The following ATR variants were observed in gnomAD, a reference collection of about 807,000 sequenced individuals.
ATR encodes the protein ATR checkpoint kinase.
A neutral mutation model predicts 305.3 loss-of-function variants in ATR; 142 were observed. The observed-to-expected ratio is 0.47, with a 90% CI of 0.41 to 0.53. The LOEUF is 0.53. Ranked by LOEUF, ATR falls within the 20% of genes least tolerant of loss-of-function variation. The probability of loss-of-function intolerance (pLI) is 0.00; values close to 1 mark genes in which losing one functional copy is unlikely to be tolerated. For synonymous variants in ATR, 1,050 were observed against 1,068.1 expected, an observed-to-expected ratio of 0.98 and a Z score of 0.33; for missense variants, 2,135 against 3,133.1, an observed-to-expected ratio of 0.68 and a Z score of 7.60.
At position 142,578,637 on chromosome 3, in the gene ATR, T is replaced by C. The variant is rs1309766255; in HGVS notation, c.59+9A>G. 6.2e-7 allele frequency: 1 copy of C among 1,611,292 alleles called. No homozygotes were observed. Among genetic ancestry groups the C allele is most frequent in the Non-Finnish European group, 8.5e-7 (1 of 1,178,990 alleles). ...GAGGATGCAGGACCCAGGCTGGGCC[T>C]AGCCCTACCTGCCCAGCTCCCGCAG... On this transcript the variant is annotated intron_variant, in intron 1 of 46. Coordinates refer to ENST00000350721, the MANE Select transcript of ATR (RefSeq NM_001184.4).
chr3:142,500,160 C>A, intron 30 of ATR: 1 of 176,730 alleles, frequency 5.7e-6, no homozygotes. Flanking sequence ...TACAGGGGGG[C>A]CAGTGGTATA....
At position 142,562,778 on chromosome 3, in the gene ATR, A is replaced by G. The variant is rs866939836; in HGVS notation, c.624T>C (p.Thr208=). The change falls in exon 4 of 47, where the codon ACT becomes ACC. Residue 208 remains threonine (T), a synonymous_variant. Coordinates refer to ENST00000350721, the MANE Select transcript of ATR (RefSeq NM_001184.4). ...TAATACGAGTAAGAACCATTAATAA[A>G]GTGACTTCAATAAATTCTAAATTTT... ...SMQNLEFIEV[T]LLMVLTRIIA... 3 of 1,608,800 alleles carry G rather than the reference A, an allele frequency of 1.9e-6. No individual in the cohort carries two copies. Among genetic ancestry groups the G allele is most frequent in the Non-Finnish European group, 2.5e-6 (3 of 1,178,100 alleles).
chr3:142,542,734 C>T lies in ATR; in HGVS notation c.3381G>A (p.Leu1127=). 2 of 1,612,832 alleles carry T rather than the reference C, an allele frequency of 1.2e-6. No homozygotes were observed. Among genetic ancestry groups the T allele is most frequent in the Non-Finnish European group, 1.7e-6 (2 of 1,179,278 alleles). ...ELMADYLQPK[L]LGILAFFNMQ... ...TGTTAAAAAAAGCCAAAATGCCCAA[C>T]AATTTGGGTTGTAAATAATCAGCCT... is the stretch of plus-strand genomic sequence containing the variant. Residue 1127 remains leucine, a synonymous_variant, in exon 17 of 47, where the codon TTG becomes TTA. Coordinates refer to ENST00000350721, the MANE Select transcript of ATR (RefSeq NM_001184.4).
intron 16 of ATR, among the ~76,000 whole-genome samples, chr3:142,543,210 C>T (rs1335169586): frequency 6.6e-6 from 1 of 152,172 alleles, no homozygotes; most frequent in African/African-American, 2.4e-5. Flanking sequence ...AATGATCTGA[C>T]ATAGGGGATA....
rs553427234 is a variant in ATR at position 142,504,998 on chromosome 3, C to G, written c.5196+141G>C. 6.1e-4 allele frequency: 612 copies of G among 1,010,540 alleles called. 1 individual carries two copies. Among genetic ancestry groups the G allele is most frequent in the Non-Finnish European group, 7.7e-4 (524 of 684,748 alleles). The allele number at this position is 1,010,540 out of a possible 1,614,324, so 62.6% of individuals were successfully genotyped here. A position where few individuals can be genotyped will look rare whatever the true frequency, so the allele number is the denominator to read the frequency against. ...GACAGAGGTTGCAGTGAGCCAAGAT[C>G]ATGCCACTGCACTCCAGCCTGGCCA... On this transcript the variant is annotated intron_variant, in intron 29 of 46. Transcript: ENST00000350721.
intron 1 of ATR, among the ~76,000 whole-genome samples, chr3:142,568,480 C>A (rs1311272740): frequency 6.6e-6 from 1 of 152,206 alleles, no homozygotes; most frequent in South Asian, 2.1e-4. Flanking sequence ...GCAGTGGCAG[C>A]CCAGTTGGAG....
Position 142,513,546 on chromosome 3 carries a change from A to C in ATR, c.4596T>G (p.Ile1532Met), listed in dbSNP as rs1207964627. ...FKVTIYLLPHILVYVLLGCNQ... is the reference protein window; with the variant it reads ...FKVTIYLLPHMLVYVLLGCNQ... ...TACAACCCAGTAAGACATACACCAG[A>C]ATATGTGGAAGAAGATAGATGGTCA... The change falls in exon 26 of 47, where the codon ATT becomes ATG. Residue 1532 changes from isoleucine (I) to methionine (M), a missense_variant. Ile to Met is a conservative substitution (Grantham distance 10). Coordinates refer to ENST00000350721, the MANE Select transcript of ATR (RefSeq NM_001184.4). 2 of 1,613,298 alleles carry C rather than the reference A, an allele frequency of 1.2e-6. No homozygotes were observed. Among genetic ancestry groups the C allele is most frequent in the Non-Finnish European group, 1.7e-6 (2 of 1,179,410 alleles).
chr3:142,454,438 T>C (rs1017228752), intron 45 of ATR, among the ~76,000 whole-genome samples: 2 of 74,074 alleles, frequency 2.7e-5, no homozygotes, highest in Non-Finnish European at 4.8e-5. Context: ...GATAGACAGC[T>C]TTTTTTTTTT....
At chr3:142,508,994 A>G (rs1200643907) in intron 27 of ATR, among the ~76,000 whole-genome samples, 1 of 151,878 alleles carries the variant, frequency 6.6e-6, no homozygotes, top group African/African-American at 2.4e-5. Flanking sequence ...GTACTTTAGG[A>G]TAATTTTTCA....
intron 34 of ATR, among the ~76,000 whole-genome samples, chr3:142,495,562 G>A (rs1345467860): frequency 2.6e-5 from 4 of 151,990 alleles, no homozygotes; most frequent in African/African-American, 9.7e-5. Context: ...GGCTAACACG[G>A]TGAAACCCCA....
chr3:142,462,796 C>T (rs1308235439), intron 41 of ATR, among the ~76,000 whole-genome samples: 1 of 152,114 alleles, frequency 6.6e-6, no homozygotes, highest in Admixed American at 6.5e-5. Context: ...AATACATAAA[C>T]AAAAGAGCAT....
intron 31 of ATR, chr3:142,499,156 C>T (rs1439959647): frequency 1.0e-5 from 4 of 390,826 alleles, no homozygotes; most frequent in East Asian, 6.6e-5. Context: ...ACTGAGATTA[C>T]AGGTGTGAGC....
intron 46 of ATR, chr3:142,451,281 A>T: frequency 2.5e-6 from 3 of 1,205,034 alleles, no homozygotes; most frequent in Non-Finnish European, 3.1e-6. Context: ...AGAAACAAAC[A>T]GGGCCAAGAG....
At chr3:142,482,524 C>T (rs934645614) in intron 36 of ATR, among the ~76,000 whole-genome samples, 7 of 152,084 alleles carry the variant, frequency 4.6e-5, no homozygotes, top group African/African-American at 1.7e-4. Context: ...ACAAAAGAAG[C>T]TATTACTCAT....
At chr3:142,529,732 A>T (rs2033563903) in intron 21 of ATR, among the ~76,000 whole-genome samples, 1 of 152,132 alleles carries the variant, frequency 6.6e-6, no homozygotes, top group African/African-American at 2.4e-5. Flanking sequence ...TTGACATTTT[A>T]AAAAAATGCT....
Position 142,563,050 on chromosome 3 carries a change from A to T in ATR, c.352T>A (p.Leu118Met). The T allele has an allele frequency of 6.2e-7, 1 of 1,600,704 alleles. No homozygotes were observed. Among genetic ancestry groups the T allele is most frequent in the Non-Finnish European group, 8.5e-7 (1 of 1,176,216 alleles). Residue 118 changes from leucine to methionine, a missense_variant, in exon 4 of 47, where the codon TTG becomes ATG. Transcript: ENST00000350721. ...ACTTCACAGATTTTCTTGTGTAACAAATGACAGGAGGGAGTTGCTGCAATC... is the reference window on the plus strand; with the variant it reads ...ACTTCACAGATTTTCTTGTGTAACATATGACAGGAGGGAGTTGCTGCAATC... ...LRIAATPSCH[L>M]LHKKICEVIC...
chr3:142,564,142 A>G (rs6783167), intron 3 of ATR, among the ~76,000 whole-genome samples: 9,103 of 151,868 alleles, frequency 0.06, 863 homozygotes, highest in African/African-American at 0.2. Flanking sequence ...GGGTACATAC[A>G]TTGTTTTTTA....
rs545455583 is a variant in ATR, at chr3:142,568,133, A to T, written c.81T>A (p.Asn27Lys). 1.9e-6 allele frequency: 3 copies of T among 1,612,334 alleles called. No individual in the cohort carries two copies. The highest frequency in any genetic ancestry group is 2.5e-6 in the Non-Finnish European group (3 of 1,178,598). The change falls in exon 2 of 47, where the codon AAT (asparagine) becomes AAA (lysine). Residue 27 changes from asparagine (N) to lysine (K), a missense_variant. By Grantham distance (94) the Asn-to-Lys change is moderately conservative. Transcript: ENST00000350721. The stretch of plus-strand genomic sequence containing the variant: ...TTTGTCTTGGCTTCTGTACAACTGT[A>T]TTATATTCCTCTGGTGTGGCACTAA... ...ELGSATPEEYNTVVQKPRQIL... is the reference protein window; with the variant it reads ...ELGSATPEEYKTVVQKPRQIL...
chr3:142,566,254 T>G lies in ATR; in HGVS notation c.159A>C (p.Val53=). The G allele has an allele frequency of 6.2e-7, 1 of 1,613,578 alleles. No individual in the cohort carries two copies. Among genetic ancestry groups the G allele is most frequent in the Non-Finnish European group, 8.5e-7 (1 of 1,179,488 alleles). ...GAGAGTCAGTTTTCTTTACAAGTTC[T>G]ACAGCAACTAAAACAATAAGATTCA... ...RILTDVNVVA[V]ELVKKTDSQP... The change falls in exon 3 of 47, where the codon GTA becomes GTC. Residue 53 remains valine, a synonymous_variant. Transcript: ENST00000350721.
Sources: allele counts gnomAD v4.1 joint callset (sites outside exome capture counted in the v4.1 genomes callset), GRCh38; gene constraint gnomAD v4.1.1; transcripts MANE v1.5; gene names NCBI Gene and HGNC (gene_info 2026-07-23, HGNC 2026-07-21).